PRTG: variants seen among roughly 807,000 people sequenced by gnomAD.
PRTG encodes the protein immunoglobulin superfamily, DCC subclass, member 5.
PRTG carries 67 observed loss-of-function variants against 122.5 expected under a neutral mutation model. The observed-to-expected ratio is 0.55, with a 90% CI of 0.45 to 0.67. The LOEUF (loss-of-function observed/expected upper bound fraction) is 0.67, where lower values mean the gene tolerates loss of function less well. Among genes scored for constraint, PRTG ranks in the 30% least tolerant of loss-of-function variants. The pLI is 0.00. For synonymous variants in PRTG, 554 were observed against 501.1 expected (o/e 1.11, Z -1.41); for missense variants, 1,435 against 1,415.4 (o/e 1.01, Z -0.22).
chr15:55,701,417 C>A (rs559773646), intron 2 of PRTG, among the ~76,000 whole-genome samples: 23 of 152,108 alleles, frequency 1.5e-4, no homozygotes, highest in Admixed American at 1.2e-3. Context: ...GACTGTAATC[C>A]CAACTACTTG....
At chr15:55,634,304 G>A (rs1344181587) in intron 15 of PRTG, among the ~76,000 whole-genome samples, 1 of 151,814 alleles carries the variant, frequency 6.6e-6, no homozygotes, top group African/African-American at 2.4e-5. Context: ...CCTGACCTCA[G>A]GGGATCCACC....
At position 55,615,724 on chromosome 15, in the gene PRTG, T is replaced by G. The variant is rs2059139126; in HGVS notation, c.*4288A>C. ...GTGACTGTTTCAATATAACTGGAGT[T>G]TTTTTTTTACATTCAGTATTCAAAA... On this transcript the variant is annotated 3_prime_UTR_variant, in exon 20 of 20. Transcript: ENST00000389286. 6.6e-6 allele frequency: 1 copy of G among 151,310 alleles called. No individual in the cohort carries two copies. Among genetic ancestry groups the G allele is most frequent in the East Asian group, 1.9e-4 (1 of 5,164 alleles). 9.4% of individuals were successfully genotyped at this position (151,310 alleles called of 1,614,324 possible).
chr15:55,719,171 G>A (rs150550955), intron 2 of PRTG, among the ~76,000 whole-genome samples: 3,751 of 152,188 alleles, frequency 0.025, 71 homozygotes, highest in South Asian at 0.069. Context: ...AAAAGCCCTG[G>A]TACCAAAAAC....
intron 2 of PRTG, among the ~76,000 whole-genome samples, chr15:55,729,595 AT>A (rs200819736): frequency 1.3e-4 from 19 of 151,430 alleles, no homozygotes; most frequent in Admixed American, 3.9e-4. Flanking sequence ...GGGAAAAAAA[AT>A]AAAATAAAAT....
At position 55,624,196 on chromosome 15, in the gene PRTG, A is replaced by C. The variant is rs550257180; in HGVS notation, c.3093+146T>G. 3 of 647,400 alleles carry C rather than the reference A, an allele frequency of 4.6e-6. No individual in the cohort carries two copies. The East Asian group carries it at 8.6e-5, about 19-fold the overall frequency. The allele number at this position is 647,400 out of a possible 1,614,324, so 40.1% of individuals were successfully genotyped here. A position where few individuals can be genotyped will look rare whatever the true frequency, so the allele number is the denominator to read the frequency against. ...TTCCCCCTAAATATTTTATGTAAGG[A>C]ATGATCTCGGTAAAATTTCAATATT... is the stretch of plus-strand genomic sequence containing the variant. On this transcript the variant is annotated intron_variant, in intron 18 of 19. Coordinates refer to ENST00000389286, the MANE Select transcript of PRTG (RefSeq NM_173814.6).
intron 2 of PRTG, among the ~76,000 whole-genome samples, chr15:55,711,754 G>A (rs977925390): frequency 1.3e-5 from 2 of 152,136 alleles, no homozygotes; most frequent in African/African-American, 4.8e-5. Flanking sequence ...TGGCCCTTAT[G>A]AGCAGAACCA....
intron 14 of PRTG, among the ~76,000 whole-genome samples, chr15:55,637,603 T>C (rs1017551033): frequency 1.3e-5 from 2 of 152,160 alleles, no homozygotes; most frequent in African/African-American, 4.8e-5. Context: ...CTGAAACGTT[T>C]TGCTAAATTG....
chr15:55,691,933 C>G (rs1305224428), intron 2 of PRTG, among the ~76,000 whole-genome samples: 1 of 151,330 alleles, frequency 6.6e-6, no homozygotes, highest in Non-Finnish European at 1.5e-5. Context: ...GCTACTCAGG[C>G]AGCTGAGGTG....
chr15:55,622,915 A>C (rs182160810), intron 18 of PRTG, among the ~76,000 whole-genome samples: 1 of 152,314 alleles, frequency 6.6e-6, no homozygotes, highest in Admixed American at 6.5e-5. Context: ...TGAATGGCTT[A>C]ATTTGTATTG....
Position 55,620,136 on chromosome 15 carries a change from T to C in PRTG, c.3329A>G (p.Asp1110Gly), listed in dbSNP as rs766036839. The change falls in exon 20 of 20, where the codon GAT becomes GGT. Residue 1110 changes from aspartate to glycine, a missense_variant. Physicochemically the swap from Asp to Gly is moderately conservative, Grantham distance 94 (BLOSUM62 -1). Transcript: ENST00000389286. The part of the protein sequence containing the change: ...SFSRPFGVAA[D>G]TEHSANSEGS... ...TTCACTATTTGCTGAATGTTCTGTA[T>C]CAGCTGCAACACCAAAGGGTCTTGA... 1.2e-6 allele frequency: 2 copies of C among 1,614,166 alleles called. No homozygotes were observed. Among genetic ancestry groups the C allele is most frequent in the Non-Finnish European group, 1.7e-6 (2 of 1,180,030 alleles).
intron 2 of PRTG, among the ~76,000 whole-genome samples, chr15:55,716,097 C>T (rs1308053410): frequency 2.0e-5 from 3 of 152,186 alleles, no homozygotes; most frequent in Non-Finnish European, 2.9e-5. Context: ...CATCTGCTAG[C>T]TGAGTGTGGT....
intron 11 of PRTG, among the ~76,000 whole-genome samples, chr15:55,650,466 G>A (rs1015005356): frequency 3.9e-5 from 6 of 152,128 alleles, no homozygotes; most frequent in Non-Finnish European, 8.8e-5. Context: ...GGTGTGGAGA[G>A]AGGAGCACAT....
At position 55,615,472 on chromosome 15, in the gene PRTG, C is replaced by T. The variant is rs1243921456; in HGVS notation, c.*4540G>A. The T allele has an allele frequency of 6.6e-6, 1 of 152,058 alleles. No homozygotes were observed. The highest frequency in any genetic ancestry group is 1.5e-5 in the Non-Finnish European group (1 of 67,980). 9.4% of individuals were successfully genotyped at this position (152,058 alleles called of 1,614,324 possible). A position where few individuals can be genotyped will look rare whatever the true frequency, so the allele number is the denominator to read the frequency against. On this transcript the variant is annotated 3_prime_UTR_variant, in exon 20 of 20. Transcript: ENST00000389286. ...ATTGCATTAGCCTGTGATCTTATGT[C>T]CTGAGCATAAATCAACTTAACACAG...
intron 2 of PRTG, among the ~76,000 whole-genome samples, chr15:55,729,445 G>C (rs900196231): frequency 2.0e-5 from 3 of 151,988 alleles, no homozygotes; most frequent in Non-Finnish European, 4.4e-5. Context: ...TGGTGAGGCA[G>C]ACGCACAAAA....
intron 15 of PRTG, among the ~76,000 whole-genome samples, chr15:55,631,176 C>A (rs2059225511): frequency 6.6e-6 from 1 of 152,006 alleles, no homozygotes; most frequent in South Asian, 2.1e-4. Flanking sequence ...AACAAAGTGA[C>A]CCCTATTTAG....
chr15:55,688,809 G>C (rs2059584719), intron 2 of PRTG, among the ~76,000 whole-genome samples: 1 of 152,276 alleles, frequency 6.6e-6, no homozygotes, highest in East Asian at 1.9e-4. Flanking sequence ...ACTCCCGCCT[G>C]GTGACAGAGC....
chr15:55,616,191 C>T lies in PRTG; in HGVS notation c.*3821G>A, dbSNP rs2059141118. The T allele has an allele frequency of 6.6e-6, 1 of 152,094 alleles. No homozygotes were observed. The highest frequency in any genetic ancestry group is 2.4e-5 in the African/African-American group (1 of 41,486). The allele number at this position is 152,094 out of a possible 1,614,324, so 9.4% of individuals were successfully genotyped here. On this transcript the variant is annotated 3_prime_UTR_variant, in exon 20 of 20. Transcript: ENST00000389286. ...TTCATTAAAAATTTTTTCCCTTTAC[C>T]CAAGGTTCCATTAAAGTTTGAAAAC...
intron 11 of PRTG, among the ~76,000 whole-genome samples, chr15:55,643,221 A>G (rs991398002): frequency 3.9e-5 from 6 of 152,146 alleles, no homozygotes; most frequent in African/African-American, 1.4e-4. Flanking sequence ...AAATATTTTC[A>G]TTTCCATTTG....
At chr15:55,729,221 A>G (rs1022023693) in intron 2 of PRTG, among the ~76,000 whole-genome samples, 1 of 152,238 alleles carries the variant, frequency 6.6e-6, no homozygotes, top group Non-Finnish European at 1.5e-5. Context: ...ACACGCCACA[A>G]CGTGGATAAA....
Sources: gnomAD v4.1 joint callset for allele counts (sites outside exome capture counted in the v4.1 genomes callset) on GRCh38, gnomAD v4.1.1 for gene constraint, MANE v1.5 for transcripts, NCBI Gene and HGNC (gene_info 2026-07-23, HGNC 2026-07-21) for gene names.